CCDC9: variants seen among roughly 807,000 people sequenced by gnomAD.
CCDC9 encodes coiled-coil domain containing 9.
Under a neutral mutation model 65.6 loss-of-function variants are expected in CCDC9, and 52 were observed. The observed-to-expected ratio is 0.79, with a 90% CI of 0.63 to 1.00. CCDC9 has a LOEUF of 1.00. Ranked by LOEUF, CCDC9 falls within the 50% of genes least tolerant of loss-of-function variation. CCDC9 has a pLI of 0.00. For missense variants in CCDC9, 834 were observed against 757.2 expected (o/e 1.10, Z -1.19); for synonymous variants, 332 against 280.3 (o/e 1.18, Z -1.84).
Position 47,271,743 on chromosome 19 carries a change from G to GCA in CCDC9, c.*66_*67insAC. 5.1e-6 allele frequency: 2 copies of GCA among 390,008 alleles called. No homozygotes were observed. Among genetic ancestry groups the GCA allele is most frequent in the African/African-American group, 1.0e-4 (2 of 19,702 alleles). 24.2% of individuals were successfully genotyped at this position (390,008 alleles called of 1,614,324 possible). A position where few individuals can be genotyped will look rare whatever the true frequency, so the allele number is the denominator to read the frequency against. On this transcript the variant is annotated 3_prime_UTR_variant, in exon 12 of 12. Coordinates refer to ENST00000221922, the MANE Select transcript of CCDC9 (RefSeq NM_015603.3). Reference sequence around the variant, plus strand: ...TGTGTGTGTGTGTGTGCGCGCGCGCGCGCGCGCGCGCGCGCGCTAGAGGGG... The same window carrying GCA: ...TGTGTGTGTGTGTGTGCGCGCGCGCGCACGCGCGCGCGCGCGCGCTAGAGGGG...
intron 8 of CCDC9, among the ~76,000 whole-genome samples, chr19:47,267,120 A>G (rs1375755759): frequency 1.3e-5 from 2 of 151,748 alleles, no homozygotes; most frequent in African/African-American, 2.4e-5. Context: ...GTCCGCCACC[A>G]CGTCCAACTA....
chr19:47,260,194 C>T (rs779296254), intron 3 of CCDC9, 127 bp from the exon 4 acceptor site: 1 of 660,022 alleles, frequency 1.5e-6, no homozygotes, highest in Non-Finnish European at 2.7e-6. Flanking sequence ...ATATGAGCGG[C>T]CTTCTTGTTC....
chr19:47,273,509 G>A (rs1041229657), downstream of CCDC9: 1 of 552,018 alleles, frequency 1.8e-6, no homozygotes, highest in Non-Finnish European at 2.7e-6. Context: ...ACCTCCCACC[G>A]CCTCGCTCCT....
Position 47,260,625 on chromosome 19 carries a change from C to T in CCDC9, c.248C>T (p.Thr83Ile). ...NLGPSRRSPG[T>I]PRPPGASKGG... is the part of the protein sequence containing the mutation. ...GGTCCTTCCCGGAGGTCTCCTGGGA[C>T]CCCTCGGCCCCCAGGGGCCAGCAAG... The change falls in exon 5 of 12, where the codon ACC becomes ATC. Residue 83 changes from threonine to isoleucine, a missense_variant. By Grantham distance (89) the Thr-to-Ile change is moderately conservative. Coordinates refer to ENST00000221922, the MANE Select transcript of CCDC9 (RefSeq NM_015603.3). The T allele has an allele frequency of 6.6e-7, 1 of 1,523,234 alleles. No homozygotes were observed. The highest frequency in any genetic ancestry group is 8.7e-7 in the Non-Finnish European group (1 of 1,145,018). The allele number at this position is 1,523,234 out of a possible 1,614,324, so 94.4% of individuals were successfully genotyped here.
chr19:47,264,979 C>T (rs558779868), intron 7 of CCDC9, 33 bp downstream of exon 7: 5 of 1,425,588 alleles, frequency 3.5e-6, no homozygotes, highest in East Asian at 5.0e-5. Flanking sequence ...CCTCGGGGCT[C>T]TCAGGGCTTT....
intron 5 of CCDC9, among the ~76,000 whole-genome samples, chr19:47,264,300 GCCA>G (rs1423509101): frequency 6.6e-6 from 1 of 152,254 alleles, no homozygotes; most frequent in Non-Finnish European, 1.5e-5. Context: ...AGAGGTGTGA[GCCA>G]CCATGTCAGC....
Position 47,271,611 on chromosome 19 carries a change from C to G in CCDC9, c.1529C>G (p.Ser510Cys). The G allele has an allele frequency of 1.2e-6, 2 of 1,610,972 alleles. No homozygotes were observed. The highest frequency in any genetic ancestry group is 8.5e-7 in the Non-Finnish European group (1 of 1,178,478). Residue 510 changes from serine (S) to cysteine (C), a missense_variant, in exon 12 of 12, where the codon TCT becomes TGT. Ser to Cys is a moderately radical substitution (Grantham distance 112, BLOSUM62 -1). Coordinates refer to ENST00000221922, the MANE Select transcript of CCDC9 (RefSeq NM_015603.3). ...TGGGGTGAAGAGGTGGAGCTGAATT[C>G]TCCCCGGACCACTCACCTGGCTGGC... ...SDWGEEVELNSPRTTHLAGAL... is the reference protein window; with the variant it reads ...SDWGEEVELNCPRTTHLAGAL...
chr19:47,264,096 G>T (rs1375893420), intron 5 of CCDC9, among the ~76,000 whole-genome samples: 2 of 151,492 alleles, frequency 1.3e-5, no homozygotes, highest in Non-Finnish European at 2.9e-5. Context: ...AGCCAGCCTG[G>T]TCTCAAACTC....
chr19:47,270,722 C>T (rs1336951762), intron 10 of CCDC9, 34 bp downstream of exon 10: 1 of 1,583,308 alleles, frequency 6.3e-7, no homozygotes, highest in Non-Finnish European at 8.6e-7. Context: ...TGCATACCCC[C>T]AGGGCTCTCC....
chr19:47,268,516 A>G (rs148653767), intron 8 of CCDC9, among the ~76,000 whole-genome samples: 2 of 152,234 alleles, frequency 1.3e-5, no homozygotes, highest in Admixed American at 6.6e-5. Context: ...TGATCTTCCT[A>G]AGGAGGAGGC....
At chr19:47,266,477 T>G in intron 7 of CCDC9, 134 bp from the exon 8 acceptor site, 12 of 1,365,380 alleles carry the variant, frequency 8.8e-6, no homozygotes, top group African/African-American at 1.5e-5. Flanking sequence ...AGGTGCCACC[T>G]GAGCCTAGTT....
At chr19:47,272,620 T>G (rs1249004901), downstream of CCDC9, among the ~76,000 whole-genome samples, 1 of 152,108 alleles carries the variant, frequency 6.6e-6, no homozygotes, top group Admixed American at 6.6e-5. Flanking sequence ...AGACTCCGTC[T>G]CAAAAAAGGT....
At position 47,271,497 on chromosome 19, in the gene CCDC9, G is replaced by A; in HGVS notation, c.1415G>A (p.Ser472Asn). 2 of 1,613,024 alleles carry A rather than the reference G, an allele frequency of 1.2e-6. No homozygotes were observed. Among genetic ancestry groups the A allele is most frequent in the Non-Finnish European group, 1.7e-6 (2 of 1,179,768 alleles). Reference protein sequence around the residue: ...CSEQAHGVPFSPEEPLLEPQA... With the variant: ...CSEQAHGVPFNPEEPLLEPQA... ...GAGCAGGCCCACGGAGTCCCCTTCA[G>A]TCCGGAGGAGCCCCTGCTGGAGCCC... The change falls in exon 12 of 12, where the codon AGT becomes AAT. Residue 472 changes from serine to asparagine, a missense_variant. Ser to Asn is a conservative substitution (Grantham distance 46). Coordinates refer to ENST00000221922, the MANE Select transcript of CCDC9 (RefSeq NM_015603.3).
chr19:47,274,644 A>G (rs989126314), downstream of CCDC9: 598 of 140,958 alleles, frequency 4.2e-3, no homozygotes, highest in Non-Finnish European at 5.0e-3. Context: ...TTGTGGCGGG[A>G]GGAGGCGGTG....
At position 47,264,944 on chromosome 19, in the gene CCDC9, C is replaced by T; in HGVS notation, c.718C>T (p.Gln240Ter). 1 of 1,444,354 alleles carries T rather than the reference C, an allele frequency of 6.9e-7. No homozygotes were observed. The highest frequency in any genetic ancestry group is 9.1e-7 in the Non-Finnish European group (1 of 1,102,544). The allele number at this position is 1,444,354 out of a possible 1,614,324, so 89.5% of individuals were successfully genotyped here. ...RVRCGLEHER[Q>*]GRRAGLGSAG... is the part of the protein sequence containing the mutation. Reference sequence around the variant, plus strand: ...GCGCTGTGGCCTTGAGCACGAGCGGCAGGTGGGTGTTGGCAGTGAGGACAC... The same window carrying T: ...GCGCTGTGGCCTTGAGCACGAGCGGTAGGTGGGTGTTGGCAGTGAGGACAC... Residue 240 changes from glutamine (Q) to a stop codon, truncating the protein, a stop_gained and splice_region_variant, in exon 7 of 12, where the codon CAG (glutamine) becomes TAG (stop). Coordinates refer to ENST00000221922, the MANE Select transcript of CCDC9 (RefSeq NM_015603.3). LOFTEE classifies it high-confidence loss of function.
intron 1 of CCDC9, 94 bp downstream of exon 1, chr19:47,256,703 G>GCGGGGGCGGGGTCGA: frequency 6.7e-6 from 1 of 149,238 alleles, no homozygotes; most frequent in African/African-American, 2.5e-5. Context: ...GGCGGGGTCG[G>GCGGGGGCGGGGTCGA]AGTTCTCTGC....
chr19:47,263,865 G>GTTATTT (rs1031256932), intron 5 of CCDC9, among the ~76,000 whole-genome samples: 6 of 145,168 alleles, frequency 4.1e-5, no homozygotes, highest in Non-Finnish European at 7.5e-5. Context: ...TGCCCGACCC[G>GTTATTT]TTATTTTTAT....
rs1330700657 is a variant in CCDC9 at position 47,260,323 on chromosome 19, G to A, written c.111G>A (p.Glu37=). The A allele has an allele frequency of 1.3e-6, 2 of 1,583,476 alleles. No individual in the cohort carries two copies. Among genetic ancestry groups the A allele is most frequent in the Admixed American group, 3.6e-5 (2 of 55,270 alleles). The change falls in exon 4 of 12, where the codon GAG becomes GAA. Residue 37 remains glutamate (E), a splice_region_variant and synonymous_variant. Transcript: ENST00000221922. ...KNEALIRRYQ[E]IEEDRKKAEL... ...CTACCCCGGCTGTCTGCTCCTAGGA[G>A]ATTGAGGAAGACCGTAAGAAAGCTG... is the stretch of plus-strand genomic sequence containing the variant.
In CCDC9 at chr19:47,271,387, G is replaced by A. The variant is rs2059116073; in HGVS notation, c.1305G>A (p.Glu435=). 6.2e-7 allele frequency: 1 copy of A among 1,612,798 alleles called. No individual in the cohort carries two copies. The highest frequency in any genetic ancestry group is 1.1e-5 in the South Asian group (1 of 90,918). Residue 435 remains glutamate (E), a synonymous_variant, in exon 12 of 12, where the codon GAG becomes GAA. Transcript: ENST00000221922. Reference sequence around the variant, plus strand: ...TAAGTGAGGATGAGGAAGAGGAGGAGATCGAGGTGGAAGAAGGTGATGAGG... The same window carrying A: ...TAAGTGAGGATGAGGAAGAGGAGGAAATCGAGGTGGAAGAAGGTGATGAGG... ...EDISEDEEEE[E]IEVEEGDEEE...
Sources: gnomAD v4.1 joint callset for allele counts (sites outside exome capture counted in the v4.1 genomes callset) on GRCh38, gnomAD v4.1.1 for gene constraint, MANE v1.5 for transcripts, NCBI Gene and HGNC (gene_info 2026-07-23, HGNC 2026-07-21) for gene names.